Variants in UGCG observed in about 807,000 individuals in gnomAD.
The protein encoded by UGCG is UDP-glucose ceramide glucosyltransferase.
A neutral mutation model predicts 49.5 loss-of-function variants in UGCG; 10 were observed. The observed-to-expected ratio is 0.20, with a 90% CI of 0.12 to 0.34. The LOEUF (loss-of-function observed/expected upper bound fraction) is 0.34. Ranked by LOEUF, UGCG falls within the 10% of genes least tolerant of loss-of-function variation. The pLI is 1.00. For missense variants in UGCG, 312 were observed against 483.7 expected, an observed-to-expected ratio of 0.65 and a Z score of 3.33; for synonymous variants, 182 against 158.2, an observed-to-expected ratio of 1.15 and a Z score of -1.13.
At chr9:111,897,579 G>A (rs1837687385) in intron 1 of UGCG, among the ~76,000 whole-genome samples, 1 of 152,208 alleles carries the variant, frequency 6.6e-6, no homozygotes, top group African/African-American at 2.4e-5. Context: ...TTACGTGTCA[G>A]GCTGAAGGTG....
chr9:111,921,842 ACT>A (rs1306537751), intron 2 of UGCG, among the ~76,000 whole-genome samples: 2 of 54,858 alleles, frequency 3.6e-5, no homozygotes, highest in Non-Finnish European at 6.9e-5. Flanking sequence ...GCAGGGTCTC[ACT>A]CTGTTTCCCA....
chr9:111,927,267 T>C (rs1247845659), intron 5 of UGCG, among the ~76,000 whole-genome samples: 1 of 152,192 alleles, frequency 6.6e-6, no homozygotes, highest in Non-Finnish European at 1.5e-5. Flanking sequence ...TTGATGTCCT[T>C]TTAAAACATA....
At chr9:111,918,669 C>G (rs1310386720) in intron 2 of UGCG, among the ~76,000 whole-genome samples, 3 of 152,160 alleles carry the variant, frequency 2.0e-5, no homozygotes, top group Non-Finnish European at 2.9e-5. Flanking sequence ...GGCGGTGGCT[C>G]ACGCCTGTAA....
chr9:111,930,987 CCT>C (rs1838415494), intron 6 of UGCG, among the ~76,000 whole-genome samples: 1 of 151,888 alleles, frequency 6.6e-6, no homozygotes, highest in Non-Finnish European at 1.5e-5. Flanking sequence ...AATATGGAGC[CCT>C]CTCCATTTTT....
At chr9:111,919,684 A>G (rs1838182622) in intron 2 of UGCG, among the ~76,000 whole-genome samples, 1 of 149,608 alleles carries the variant, frequency 6.7e-6, no homozygotes, top group South Asian at 2.1e-4. Flanking sequence ...AGTCCCAGCT[A>G]CTCGGGAGGC....
At chr9:111,920,943 C>T (rs554179825) in intron 2 of UGCG, among the ~76,000 whole-genome samples, 3 of 152,004 alleles carry the variant, frequency 2.0e-5, no homozygotes, top group African/African-American at 7.2e-5. Context: ...CGCTCTGTCG[C>T]CCAGGCTGGA....
intron 1 of UGCG, among the ~76,000 whole-genome samples, chr9:111,912,888 GGTGTGTGT>G (rs112247185): frequency 4.0e-5 from 6 of 150,844 alleles, no homozygotes. Flanking sequence ...TTGTAAACCT[GGTGTGTGT>G]GTGTGTGTGC....
intron 1 of UGCG, among the ~76,000 whole-genome samples, chr9:111,899,309 T>C (rs72756236): frequency 0.033 from 5,089 of 152,362 alleles, 154 homozygotes; most frequent in East Asian, 0.16. Flanking sequence ...CTGGTAACAT[T>C]GTATGATGGC....
intron 1 of UGCG, among the ~76,000 whole-genome samples, chr9:111,904,790 A>AGGT (rs1437091945): frequency 6.6e-6 from 1 of 152,144 alleles, no homozygotes; most frequent in African/African-American, 2.4e-5. Flanking sequence ...TGAACTCGGG[A>AGGT]GGTGGAGGTT....
chr9:111,922,717 TGAATGCTCTCTTTTAAAA>T (rs1342442109), intron 2 of UGCG, 114 bp from the exon 3 acceptor site: 1 of 511,482 alleles, frequency 2.0e-6, no homozygotes, highest in African/African-American at 2.0e-5. Context: ...GCATCCATTG[TGAATGCTCTCTTTTAAAA>T]CTTTGCATAA....
At chr9:111,921,633 A>C (rs1838222413) in intron 2 of UGCG, among the ~76,000 whole-genome samples, 1 of 145,914 alleles carries the variant, frequency 6.9e-6, no homozygotes, top group Non-Finnish European at 1.5e-5. Flanking sequence ...CCTGGGTGAC[A>C]GTGAGACTCT....
intron 8 of UGCG, among the ~76,000 whole-genome samples, chr9:111,932,563 C>T (rs1838445320): frequency 6.6e-6 from 1 of 152,136 alleles, no homozygotes; most frequent in Non-Finnish European, 1.5e-5. Context: ...TATATAATCG[C>T]TTTTATTAAG....
intron 2 of UGCG, among the ~76,000 whole-genome samples, chr9:111,920,516 C>T (rs1838201570): frequency 6.6e-6 from 1 of 152,092 alleles, no homozygotes; most frequent in Admixed American, 6.5e-5. Flanking sequence ...CAGGTGTGTG[C>T]CACCATGCCT....
rs116944439 is a variant in UGCG at position 111,909,035 on chromosome 9, C to G, written c.99-5570C>G. On this transcript the variant is annotated intron_variant, in intron 1 of 8. Coordinates refer to ENST00000374279, the MANE Select transcript of UGCG (RefSeq NM_003358.3). ...CCAGGTTCAAGTCATTCTTGTGTCTCAGCTTCCCGAGTAGCTGGAATTATA... is the reference window on the plus strand; with the variant it reads ...CCAGGTTCAAGTCATTCTTGTGTCTGAGCTTCCCGAGTAGCTGGAATTATA... Among the ~76,000 whole-genome samples, 339 of 152,308 alleles carry G rather than the reference C, an allele frequency of 2.2e-3. 7 individuals carry two copies. In the East Asian group the frequency reaches 0.038, roughly 17 times the overall value.
intron 1 of UGCG, among the ~76,000 whole-genome samples, chr9:111,898,860 T>A (rs1182643494): frequency 6.6e-6 from 1 of 152,158 alleles, no homozygotes; most frequent in East Asian, 1.9e-4. Flanking sequence ...ATATTATGAT[T>A]ATTGTTCTGT....
At chr9:111,914,366 T>A (rs1838073051) in intron 1 of UGCG, among the ~76,000 whole-genome samples, 7 of 152,160 alleles carry the variant, frequency 4.6e-5, no homozygotes, top group Admixed American at 4.6e-4. Context: ...CTGATGAGCT[T>A]TAAAAAATCG....
intron 1 of UGCG, among the ~76,000 whole-genome samples, chr9:111,902,026 C>T (rs528053601): frequency 6.6e-6 from 1 of 152,352 alleles, no homozygotes; most frequent in East Asian, 1.9e-4. Flanking sequence ...GCTGAACCAG[C>T]AACGTTGTAT....
intron 1 of UGCG, among the ~76,000 whole-genome samples, chr9:111,899,003 ATGTCT>A (rs1837717404): frequency 6.6e-6 from 1 of 152,222 alleles, no homozygotes; most frequent in Non-Finnish European, 1.5e-5. Flanking sequence ...GTCCTGTAAA[ATGTCT>A]TGACCGTTTT....
intron 1 of UGCG, among the ~76,000 whole-genome samples, chr9:111,905,859 T>G (rs1479144424): frequency 2.0e-5 from 3 of 152,346 alleles, no homozygotes; most frequent in Non-Finnish European, 4.4e-5. Flanking sequence ...GGTGGATGGC[T>G]TCTGTATTTT....
Sources: allele counts gnomAD v4.1 joint callset (sites outside exome capture counted in the v4.1 genomes callset), GRCh38; gene constraint gnomAD v4.1.1; transcripts MANE v1.5; gene names NCBI Gene and HGNC (gene_info 2026-07-23, HGNC 2026-07-21).